METTL8: variants seen among roughly 807,000 people sequenced by gnomAD.
The protein encoded by METTL8 is tRNA N(3)-cytidine methyltransferase METTL8, mitochondrial.
METTL8 carries 32 observed loss-of-function variants against 48.7 expected under a neutral mutation model. The ratio of observed to expected loss-of-function variants is 0.66; its 90% CI spans 0.50 to 0.88. METTL8 has a LOEUF of 0.88. Among genes scored for constraint, METTL8 ranks in the 40% least tolerant of loss-of-function variants. The pLI, the probability that METTL8 is intolerant of heterozygous loss-of-function variation, is 0.00. For missense variants in METTL8, 464 were observed against 474.4 expected (o/e 0.98, Z 0.20); for synonymous variants, 136 against 157.1 (o/e 0.87, Z 1.01).
chr2:171,397,762 A>G (rs1365014738), intron 1 of METTL8, among the ~76,000 whole-genome samples: 1 of 152,178 alleles, frequency 6.6e-6, no homozygotes, highest in Non-Finnish European at 1.5e-5. Context: ...GACCTTACAG[A>G]CATTGAAAAG....
At chr2:171,328,993 A>AT (rs113422093) in intron 7 of METTL8, among the ~76,000 whole-genome samples, 9,906 of 119,266 alleles carry the variant, frequency 0.083, 558 homozygotes, top group African/African-American at 0.19. Context: ...CCAGCCTTTT[A>AT]TTTTTTTTTT....
At chr2:171,434,547 C>T (rs1169216444), upstream of METTL8, 9 of 1,524,154 alleles carry the variant, frequency 5.9e-6, no homozygotes, top group Admixed American at 5.9e-5. Flanking sequence ...ACTCGGCGGC[C>T]CAGCCTACCC....
At chr2:171,395,989 T>C (rs991073184) in intron 1 of METTL8, among the ~76,000 whole-genome samples, 6 of 152,108 alleles carry the variant, frequency 3.9e-5, no homozygotes, top group African/African-American at 1.2e-4. Flanking sequence ...TAAATTTGGC[T>C]GGCCAGGCAC....
intron 1 of METTL8, among the ~76,000 whole-genome samples, chr2:171,427,705 A>C (rs759282149): frequency 2.0e-5 from 3 of 152,174 alleles, no homozygotes; most frequent in Non-Finnish European, 2.9e-5. Context: ...AGGGTGTTCA[A>C]CCACCCTCCA....
chr2:171,415,484 TG>T (rs1443128339), intron 1 of METTL8, among the ~76,000 whole-genome samples: 1 of 151,066 alleles, frequency 6.6e-6, no homozygotes, highest in African/African-American at 2.4e-5. Context: ...CCCAAGTAGC[TG>T]GGATTATAGG....
chr2:171,324,438 G>A (rs1163991200), intron 9 of METTL8, 76 bp from the exon 10 acceptor site: 1 of 1,218,920 alleles, frequency 8.2e-7, no homozygotes, highest in Non-Finnish European at 1.1e-6. Flanking sequence ...AACACTGATG[G>A]AATAACTGAC....
intron 1 of METTL8, among the ~76,000 whole-genome samples, chr2:171,431,320 G>C (rs1288107003): frequency 1.3e-5 from 2 of 152,210 alleles, no homozygotes; most frequent in Non-Finnish European, 2.9e-5. Context: ...GGATGGGGTG[G>C]AGCCTCCAGA....
intron 2 of METTL8, among the ~76,000 whole-genome samples, chr2:171,382,704 C>T (rs1374301064): frequency 6.6e-6 from 1 of 151,278 alleles, no homozygotes; most frequent in Non-Finnish European, 1.5e-5. Context: ...ACATGTATCC[C>T]GGAACTCAAA....
intron 2 of METTL8, among the ~76,000 whole-genome samples, chr2:171,389,467 A>T (rs2105555886): frequency 7.3e-6 from 1 of 136,714 alleles, no homozygotes; most frequent in East Asian, 2.4e-4. Flanking sequence ...GTGAACCGTG[A>T]CCACACCACT....
intron 7 of METTL8, among the ~76,000 whole-genome samples, chr2:171,327,474 T>C (rs1386160478): frequency 6.6e-6 from 1 of 152,266 alleles, no homozygotes. Context: ...TCCTTGTCTC[T>C]GCCTTATCTA....
chr2:171,317,067 G>T lies in METTL8; in HGVS notation c.*7105C>A, dbSNP rs1030837150. On this transcript the variant is annotated 3_prime_UTR_variant, in exon 10 of 10. Coordinates refer to ENST00000375258, the MANE Select transcript of METTL8 (RefSeq NM_001321154.2). ...CATAGTGTTGCTTGTGCTAAGTACA[G>T]AGCATTAAAAACAAAAAACAAAAAA... Among the ~76,000 whole-genome samples the T allele has an allele frequency of 6.6e-6, 1 of 152,288 alleles. No individual in the cohort carries two copies. Among genetic ancestry groups the T allele is most frequent in the Admixed American group, 6.5e-5 (1 of 15,292 alleles).
chr2:171,366,147 G>A (rs1685694803), intron 2 of METTL8, among the ~76,000 whole-genome samples: 1 of 152,196 alleles, frequency 6.6e-6, no homozygotes, highest in Non-Finnish European at 1.5e-5. Context: ...GTAGAAGAGA[G>A]AGGATTCTAG....
intron 2 of METTL8, among the ~76,000 whole-genome samples, chr2:171,369,121 C>T (rs953398464): frequency 2.6e-5 from 4 of 151,966 alleles, no homozygotes; most frequent in African/African-American, 9.7e-5. Context: ...CTGGCTAACA[C>T]GGTGAAACCC....
chr2:171,343,417 C>A (rs186383380), intron 3 of METTL8, among the ~76,000 whole-genome samples: 10 of 150,678 alleles, frequency 6.6e-5, no homozygotes, highest in African/African-American at 2.2e-4. Flanking sequence ...CCAGCCTGGG[C>A]AACAGGAGTG....
chr2:171,370,962 G>A (rs1015425299), intron 2 of METTL8, among the ~76,000 whole-genome samples: 1 of 151,954 alleles, frequency 6.6e-6, no homozygotes, highest in South Asian at 2.1e-4. Flanking sequence ...ATTACACTTC[G>A]TAAATAAATC....
At chr2:171,380,337 A>C (rs1457902782) in intron 2 of METTL8, among the ~76,000 whole-genome samples, 1 of 152,234 alleles carries the variant, frequency 6.6e-6, no homozygotes, top group East Asian at 1.9e-4. Flanking sequence ...GAAAACTGGC[A>C]TAAGACAAGG....
intron 2 of METTL8, among the ~76,000 whole-genome samples, chr2:171,371,836 CTATTAT>C (rs4027587): frequency 0.28 from 39,522 of 143,658 alleles, 5,553 homozygotes; most frequent in South Asian, 0.35. Flanking sequence ...GTTATTATTA[CTATTAT>C]TATTATTATT....
At chr2:171,373,351 A>G (rs1337470298) in intron 2 of METTL8, among the ~76,000 whole-genome samples, 1 of 151,830 alleles carries the variant, frequency 6.6e-6, no homozygotes, top group Non-Finnish European at 1.5e-5. Flanking sequence ...TGTAAATTTG[A>G]TTGAGTTCTT....
Position 171,347,528 on chromosome 2 carries a change from T to C in METTL8, c.236-7974A>G, listed in dbSNP as rs139274820. 5.2e-4 allele frequency among the ~76,000 whole-genome samples: 79 copies of C among 152,212 alleles called. 1 individual carries two copies. In the East Asian group the frequency reaches 0.011, roughly 21 times the overall value. On this transcript the variant is annotated intron_variant, in intron 3 of 9. Transcript: ENST00000375258. ...ATGTTCTAAATGGAAATATTCAAAATAGGGCAAAAAAATCCTTGGTTTTTC... is the reference window on the plus strand; with the variant it reads ...ATGTTCTAAATGGAAATATTCAAAACAGGGCAAAAAAATCCTTGGTTTTTC...
Sources: allele counts gnomAD v4.1 joint callset (sites outside exome capture counted in the v4.1 genomes callset), GRCh38; gene constraint gnomAD v4.1.1; transcripts MANE v1.5; gene names NCBI Gene and HGNC (gene_info 2026-07-23, HGNC 2026-07-21).